Variants in FAM228A observed in about 807,000 individuals in gnomAD.
The protein encoded by FAM228A is protein FAM228A.
In FAM228A, 13 loss-of-function variants were observed where a neutral mutation model predicts 18.6. The ratio of observed to expected loss-of-function variants is 0.70; its 90% confidence interval spans 0.45 to 1.11. FAM228A has a LOEUF of 1.11. Ranked by LOEUF, FAM228A falls within the 50% of genes least tolerant of loss-of-function variation. FAM228A has a pLI of 0.00. For synonymous variants in FAM228A, 77 were observed against 86.6 expected (o/e 0.89, Z 0.61); for missense variants, 240 against 242.2 (o/e 0.99, Z 0.06).
chr2:24,178,390 T>C (rs1667740735), intron 3 of FAM228A, among the ~76,000 whole-genome samples: 1 of 151,932 alleles, frequency 6.6e-6, no homozygotes, highest in Non-Finnish European at 1.5e-5. Context: ...CTGGGCAACA[T>C]AGTGAGGCCC....
chr2:24,179,593 A>G (rs1002656138), intron 3 of FAM228A, among the ~76,000 whole-genome samples: 12 of 152,360 alleles, frequency 7.9e-5, no homozygotes, highest in African/African-American at 2.4e-4. Context: ...GGGTTCTGAC[A>G]GCATAACAAT....
Position 24,183,477 on chromosome 2 carries a change from T to C in FAM228A, c.251-18T>C, listed in dbSNP as rs776507706. 50 of 1,608,070 alleles carry C rather than the reference T, an allele frequency of 3.1e-5. No homozygotes were observed. In the South Asian group the frequency reaches 5.5e-4, roughly 18 times the overall value. ...AGTTCTTGAAGAGTGTTGATTTCGA[T>C]TTTTTATCTTCCTGTAGGAAAACGA... On this transcript the variant is annotated intron_variant, in intron 4 of 5. Transcript: ENST00000295150.
rs977367964 is a variant in FAM228A, at chr2:24,190,985, G to A, written c.*354G>A. ...CTCCATCCAAACTGCACCAAAGATG[G>A]TGTTCTCCTTAGTCCACACACAACT... On this transcript the variant is annotated 3_prime_UTR_variant, in exon 6 of 6. Transcript: ENST00000295150. The A allele has an allele frequency of 5.8e-6, 6 of 1,032,380 alleles. No individual in the cohort carries two copies. The highest frequency in any genetic ancestry group is 5.8e-6 in the Non-Finnish European group (5 of 860,716). 64.0% of individuals were successfully genotyped at this position (1,032,380 alleles called of 1,614,324 possible).
intron 2 of FAM228A, 150 bp downstream of exon 2, chr2:24,175,723 T>G: frequency 2.7e-6 from 2 of 738,010 alleles, no homozygotes; most frequent in Non-Finnish European, 2.2e-6. Flanking sequence ...GGCTCAGATT[T>G]GGCCGAGAGT....
rs771086625 is a variant in FAM228A, at chr2:24,175,434, TC to T, written c.-14-31del. 4.7e-6 allele frequency: 7 copies of T among 1,487,262 alleles called. No homozygotes were observed. The Admixed American group carries it at 1.2e-4, about 25-fold the overall frequency. 92.1% of individuals were successfully genotyped at this position (1,487,262 alleles called of 1,614,324 possible). A position where few individuals can be genotyped will look rare whatever the true frequency, so the allele number is the denominator to read the frequency against. Reference sequence around the variant, plus strand: ...GCCTGGCTCTCAACGGTAACCGTCTTCCTCAGCCTCAGTTTACCTTTTCATC... The same window carrying T: ...GCCTGGCTCTCAACGGTAACCGTCTTCTCAGCCTCAGTTTACCTTTTCATC... On this transcript the variant is annotated intron_variant, in intron 1 of 5. Coordinates refer to ENST00000295150, the MANE Select transcript of FAM228A (RefSeq NM_001040710.3).
intron 1 of FAM228A, 90 bp downstream of exon 1, chr2:24,175,264 C>T (rs956985076): frequency 9.1e-6 from 5 of 548,422 alleles, no homozygotes; most frequent in Non-Finnish European, 1.6e-5. Context: ...GGAGGAAAGG[C>T]CCGCTTTGGC....
rs777963297 is a variant in FAM228A at position 24,190,584 on chromosome 2, G to T, written c.574G>T (p.Ala192Ser). 155 of 1,604,254 alleles carry T rather than the reference G, an allele frequency of 9.7e-5. No homozygotes were observed. The highest frequency in any genetic ancestry group is 1.2e-4 in the Non-Finnish European group (145 of 1,176,412). Reference sequence around the variant, plus strand: ...CAGAGGCCTGGGGCGGGGCTGGCATGCAGGGCTTTGCAGCACCCACGAGCA... The same window carrying T: ...CAGAGGCCTGGGGCGGGGCTGGCATTCAGGGCTTTGCAGCACCCACGAGCA... ...VSRGLGRGWH[A>S]GLCSTHEQHI... Residue 192 changes from alanine (A) to serine (S), a missense_variant, in exon 6 of 6, where the codon GCA becomes TCA. Physicochemically the swap from Ala to Ser is moderately conservative, Grantham distance 99. Transcript: ENST00000295150.
chr2:24,177,010 T>C (rs1416103388), intron 2 of FAM228A, among the ~76,000 whole-genome samples: 1 of 152,190 alleles, frequency 6.6e-6, no homozygotes. Flanking sequence ...TAGATGTGGA[T>C]GATGTTGTTT....
At chr2:24,180,442 C>T (rs959137849) in intron 3 of FAM228A, among the ~76,000 whole-genome samples, 1 of 151,810 alleles carries the variant, frequency 6.6e-6, no homozygotes, top group African/African-American at 2.4e-5. Context: ...ACAGTGAGAC[C>T]CTAGAGTAGG....
chr2:24,175,474 C>T lies in FAM228A; in HGVS notation c.-7C>T, dbSNP rs766092933. 4 of 1,612,930 alleles carry T rather than the reference C, an allele frequency of 2.5e-6. No individual in the cohort carries two copies. The South Asian group carries it at 4.4e-5, about 18-fold the overall frequency. On this transcript the variant is annotated 5_prime_UTR_variant, in exon 2 of 6. Transcript: ENST00000295150. Reference sequence around the variant, plus strand: ...TACCTTTTCATCCCTCAGGGATTCTCCTGTCCATGGCTGCCACCAAAACTG... The same window carrying T: ...TACCTTTTCATCCCTCAGGGATTCTTCTGTCCATGGCTGCCACCAAAACTG...
intron 5 of FAM228A, 69 bp from the exon 6 acceptor site, chr2:24,190,343 C>T (rs1053908318): frequency 2.6e-5 from 39 of 1,473,020 alleles, no homozygotes; most frequent in Middle Eastern, 3.7e-4. Flanking sequence ...CATTAATCTT[C>T]GGAAACTATT....
intron 3 of FAM228A, among the ~76,000 whole-genome samples, chr2:24,178,478 G>T (rs1667744108): frequency 1.3e-5 from 2 of 152,282 alleles, no homozygotes; most frequent in South Asian, 2.1e-4. Context: ...GGAGGCTGAG[G>T]CAGGAGGATT....
At chr2:24,181,039 A>G (rs1558403326) in intron 3 of FAM228A, among the ~76,000 whole-genome samples, 1 of 150,176 alleles carries the variant, frequency 6.7e-6, no homozygotes, top group Non-Finnish European at 1.5e-5. Flanking sequence ...TTTAAACTCA[A>G]CCTAAGGACG....
In FAM228A at chr2:24,190,351, A is replaced by G. The variant is rs183388623; in HGVS notation, c.402-61A>G. The stretch of plus-strand genomic sequence containing the variant: ...TTCATTGCATTAATCTTCGGAAACT[A>G]TTTGATGGTACAATTCCATCTGTGC... On this transcript the variant is annotated intron_variant, in intron 5 of 5. Transcript: ENST00000295150. 6.4e-4 allele frequency: 962 copies of G among 1,494,780 alleles called. 9 individuals carry two copies. The Admixed American group carries it at 0.016, about 25-fold the overall frequency. 92.6% of individuals were successfully genotyped at this position (1,494,780 alleles called of 1,614,324 possible). A position where few individuals can be genotyped will look rare whatever the true frequency, so the allele number is the denominator to read the frequency against.
At chr2:24,175,298 A>T in intron 1 of FAM228A, 124 bp downstream of exon 1, 2 of 602,796 alleles carry the variant, frequency 3.3e-6, no homozygotes, top group Non-Finnish European at 5.9e-6. Flanking sequence ...GGGAGTGGGT[A>T]GCCGGGCCTG....
chr2:24,182,518 G>A (rs1164411619), intron 3 of FAM228A, among the ~76,000 whole-genome samples: 7 of 152,058 alleles, frequency 4.6e-5, no homozygotes, highest in East Asian at 1.9e-4. Flanking sequence ...TATCAGGAGC[G>A]GGAAGAAAAA....
chr2:24,187,701 T>C, intron 5 of FAM228A, among the ~76,000 whole-genome samples: 1 of 152,242 alleles, frequency 6.6e-6, no homozygotes, highest in Non-Finnish European at 1.5e-5. Context: ...CTTTTCGGAC[T>C]TCACCTTCAT....
In FAM228A at chr2:24,190,913, C is replaced by CGCCCGGGCCTTT. The variant is rs1250663664; in HGVS notation, c.*287_*298dup. The CGCCCGGGCCTTT allele has an allele frequency of 9.7e-6, 11 of 1,136,018 alleles. No individual in the cohort carries two copies. Among genetic ancestry groups the CGCCCGGGCCTTT allele is most frequent in the Non-Finnish European group, 1.2e-5 (11 of 926,078 alleles). The allele number at this position is 1,136,018 out of a possible 1,614,324, so 70.4% of individuals were successfully genotyped here. ...CCCCCTGAGATTTCTTCAGCGCCTT[C>CGCCCGGGCCTTT]GCCCGGGCCTTTGCCCTTCTGCCAC... is the stretch of plus-strand genomic sequence containing the variant. On this transcript the variant is annotated 3_prime_UTR_variant, in exon 6 of 6. Coordinates refer to ENST00000295150, the MANE Select transcript of FAM228A (RefSeq NM_001040710.3).
At position 24,183,555 on chromosome 2, in the gene FAM228A, C is replaced by T. The variant is rs372181598; in HGVS notation, c.311C>T (p.Ser104Leu). 1.9e-5 allele frequency: 31 copies of T among 1,613,868 alleles called. No individual in the cohort carries two copies. Among genetic ancestry groups the T allele is most frequent in the Non-Finnish European group, 2.5e-5 (30 of 1,179,910 alleles). ...EIEKARLHAS[S>L]PYFTFTSHCV... Reference sequence around the variant, plus strand: ...GAGAAGGCCAGGCTGCATGCCAGCTCGCCCTACTTCACTTTCACTTCACAC... The same window carrying T: ...GAGAAGGCCAGGCTGCATGCCAGCTTGCCCTACTTCACTTTCACTTCACAC... The change falls in exon 5 of 6, where the codon TCG becomes TTG. Residue 104 changes from serine (S) to leucine (L), a missense_variant. Transcript: ENST00000295150.
Sources: gnomAD v4.1 joint callset for allele counts (sites outside exome capture counted in the v4.1 genomes callset) on GRCh38, gnomAD v4.1.1 for gene constraint, MANE v1.5 for transcripts, NCBI Gene and HGNC (gene_info 2026-07-23, HGNC 2026-07-21) for gene names.